CFAP95: variants seen among roughly 807,000 people sequenced by gnomAD.
The protein encoded by CFAP95 is cilia- and flagella-associated protein 95.
the CFAP95 span, among the ~76,000 whole-genome samples, chr9:69,834,781 T>C: frequency 6.6e-6 from 1 of 152,254 alleles, no homozygotes; most frequent in Non-Finnish European, 1.5e-5. Flanking sequence ...ATTCTGTGGT[T>C]TCATGGTTAT....
At chr9:69,843,268 CCCCTAAACAATTCTAG>C in the CFAP95 span, among the ~76,000 whole-genome samples, 1 of 151,930 alleles carries the variant, frequency 6.6e-6, no homozygotes, top group Non-Finnish European at 1.5e-5. Context: ...ACTTGAGTGT[CCCCTAAACAATTCTAG>C]CCCTGTATCC....
chr9:69,881,666 T>C, the CFAP95 span, among the ~76,000 whole-genome samples: 2 of 152,208 alleles, frequency 1.3e-5, no homozygotes, highest in East Asian at 1.9e-4. Context: ...TTATTCCATA[T>C]ACATTTTAGG....
the CFAP95 span, among the ~76,000 whole-genome samples, chr9:69,892,302 TC>T: frequency 6.6e-6 from 1 of 152,210 alleles, no homozygotes; most frequent in Non-Finnish European, 1.5e-5. Context: ...AGCCTGGACT[TC>T]CTAGAAGCCA....
At chr9:69,854,601 C>T in the CFAP95 span, among the ~76,000 whole-genome samples, 2 of 152,190 alleles carry the variant, frequency 1.3e-5, no homozygotes, top group African/African-American at 2.4e-5. Flanking sequence ...TCTTCATTTG[C>T]ACCTCCAGAT....
the CFAP95 span, among the ~76,000 whole-genome samples, chr9:69,864,646 T>C: frequency 2.0e-5 from 3 of 152,180 alleles, no homozygotes; most frequent in African/African-American, 7.2e-5. Flanking sequence ...GATGGAGCAC[T>C]TATCCTTATG....
At chr9:69,872,040 C>A in the CFAP95 span, among the ~76,000 whole-genome samples, 43 of 152,240 alleles carry the variant, frequency 2.8e-4, no homozygotes, top group African/African-American at 1.0e-3. Context: ...TGCAACAATC[C>A]TCGTTAGAAA....
the CFAP95 span, among the ~76,000 whole-genome samples, chr9:69,883,836 TAA>T: frequency 0.021 from 3,247 of 151,720 alleles, 96 homozygotes; most frequent in African/African-American, 0.066. Context: ...AAAAAACAAT[TAA>T]AAAAAAATCA....
the CFAP95 span, among the ~76,000 whole-genome samples, chr9:69,829,815 T>C: frequency 6.6e-6 from 1 of 152,222 alleles, no homozygotes; most frequent in African/African-American, 2.4e-5. Flanking sequence ...CAGGGTGTTT[T>C]GTGGCACTAG....
At chr9:69,853,795 T>C in the CFAP95 span, among the ~76,000 whole-genome samples, 17 of 152,306 alleles carry the variant, frequency 1.1e-4, no homozygotes, top group East Asian at 1.7e-3. Flanking sequence ...GTATGAAAGT[T>C]CTATGTATTG....
At chr9:69,882,114 C>T in the CFAP95 span, among the ~76,000 whole-genome samples, 2 of 152,044 alleles carry the variant, frequency 1.3e-5, no homozygotes, top group African/African-American at 2.4e-5. Context: ...ACCTGAATAG[C>T]TGGGATTAGA....
chr9:69,837,112 T>G, the CFAP95 span, among the ~76,000 whole-genome samples: 3 of 151,874 alleles, frequency 2.0e-5, no homozygotes, highest in African/African-American at 7.2e-5. Context: ...TGCCACATTT[T>G]CTTAATCCAG....
At chr9:69,886,845 T>A in the CFAP95 span, 1 of 1,612,974 alleles carries the variant, frequency 6.2e-7, no homozygotes, top group Admixed American at 1.7e-5. Context: ...TAGGTGTGCA[T>A]TGACAACGTA....
the CFAP95 span, among the ~76,000 whole-genome samples, chr9:69,870,683 G>A: frequency 1.3e-3 from 201 of 152,314 alleles, no homozygotes; most frequent in Admixed American, 2.9e-3. Context: ...ATTGTTTTCA[G>A]CTTCTAAGTA....
At chr9:69,868,639 C>T in the CFAP95 span, among the ~76,000 whole-genome samples, 1 of 133,656 alleles carries the variant, frequency 7.5e-6, no homozygotes, top group Admixed American at 8.4e-5. Flanking sequence ...GCCTGAGTGA[C>T]AGAGTGAGTG....
chr9:69,856,706 T>C, the CFAP95 span: 6 of 1,480,320 alleles, frequency 4.1e-6, no homozygotes, highest in Non-Finnish European at 5.6e-6. Flanking sequence ...CTTTATAGAA[T>C]GTGGACATGC....
the CFAP95 span, among the ~76,000 whole-genome samples, chr9:69,861,558 G>C: frequency 6.6e-6 from 1 of 151,914 alleles, no homozygotes; most frequent in Non-Finnish European, 1.5e-5. Flanking sequence ...CTGGCAGTTG[G>C]GGAAGAGCTT....
chr9:69,860,541 T>C, the CFAP95 span, among the ~76,000 whole-genome samples: 1 of 151,972 alleles, frequency 6.6e-6, no homozygotes, highest in Non-Finnish European at 1.5e-5. Flanking sequence ...ATCAGCAATA[T>C]TGGCCTTTCT....
the CFAP95 span, among the ~76,000 whole-genome samples, chr9:69,861,623 G>T: frequency 6.7e-6 from 1 of 149,258 alleles, no homozygotes; most frequent in African/African-American, 2.5e-5. Context: ...GCTGACTTAG[G>T]ATTCATTCAG....
the CFAP95 span, chr9:69,886,861 A>C: frequency 6.2e-7 from 1 of 1,613,384 alleles, no homozygotes; most frequent in Non-Finnish European, 8.5e-7. Flanking sequence ...ACGTACTCAG[A>C]AGATTATGTT....
Sources: allele counts gnomAD v4.1 joint callset (sites outside exome capture counted in the v4.1 genomes callset), GRCh38; gene constraint gnomAD v4.1.1; transcripts MANE v1.5; gene names NCBI Gene and HGNC (gene_info 2026-07-23, HGNC 2026-07-21).